Variants in ZNF786 observed in about 807,000 individuals in gnomAD.
The protein encoded by ZNF786 is zinc finger protein 786.
A neutral mutation model predicts 63.1 loss-of-function variants in ZNF786; 56 were observed. That is an observed-to-expected ratio of 0.89 (90% confidence interval 0.72 to 1.11). The LOEUF (loss-of-function observed/expected upper bound fraction) is 1.11, where lower values mean the gene tolerates loss of function less well. Among genes scored for constraint, ZNF786 ranks in the 50% least tolerant of loss-of-function variants. The pLI is 0.00. For missense variants in ZNF786, 1,213 were observed against 1,041.8 expected (o/e 1.16, Z -2.26); for synonymous variants, 485 against 406.9 (o/e 1.19, Z -2.31).
intron 1 of ZNF786, among the ~76,000 whole-genome samples, chr7:149,086,296 C>T (rs1585471217): frequency 6.6e-6 from 1 of 152,180 alleles, no homozygotes; most frequent in East Asian, 1.9e-4. Flanking sequence ...CCAGCATCTA[C>T]TTCTGGCGAG....
At chr7:149,088,524 C>T (rs113731474) in intron 1 of ZNF786, among the ~76,000 whole-genome samples, 6 of 152,252 alleles carry the variant, frequency 3.9e-5, no homozygotes, top group African/African-American at 1.4e-4. Flanking sequence ...CAGAACTGAA[C>T]GTATGTTTAT....
Position 149,070,204 on chromosome 7 carries a change from C to T in ZNF786, c.*219G>A. 1 of 525,866 alleles carries T rather than the reference C, an allele frequency of 1.9e-6. No homozygotes were observed. The highest frequency in any genetic ancestry group is 2.5e-5 in the South Asian group (1 of 39,834). 32.6% of individuals were successfully genotyped at this position (525,866 alleles called of 1,614,324 possible). On this transcript the variant is annotated 3_prime_UTR_variant, in exon 4 of 4. Transcript: ENST00000491431. ...CCAGCCTGGGTGACAGAGCAAAACT[C>T]CATCTTGGAAAAAAAAAAAAAAAAG...
In ZNF786 at chr7:149,072,344, C is replaced by G. The variant is rs1411495850; in HGVS notation, c.428G>C (p.Arg143Thr). 6 of 1,613,636 alleles carry G rather than the reference C, an allele frequency of 3.7e-6. No individual in the cohort carries two copies. Among genetic ancestry groups the G allele is most frequent in the South Asian group, 1.1e-5 (1 of 91,014 alleles). The change falls in exon 4 of 4, where the codon AGA becomes ACA. Residue 143 changes from arginine (R) to threonine (T), a missense_variant. Physicochemically the swap from Arg to Thr is moderately conservative, Grantham distance 71 (BLOSUM62 -1). Coordinates refer to ENST00000491431, the MANE Select transcript of ZNF786 (RefSeq NM_152411.4). ...TGGTGGAGGAGCCCTGGCGTCGTGT[C>G]TCTGTGGGCTCCCGAGGGTGATGCC... ...DQGITLGSPQ[R>T]HDARAPPPLA...
rs756755963 is a variant in ZNF786, at chr7:149,071,760, A to C, written c.1012T>G (p.Ser338Ala). 2 of 1,588,544 alleles carry C rather than the reference A, an allele frequency of 1.3e-6. No homozygotes were observed. Among genetic ancestry groups the C allele is most frequent in the East Asian group, 4.5e-5 (2 of 44,532 alleles). The change falls in exon 4 of 4, where the codon TCG (serine) becomes GCG (alanine). Residue 338 changes from serine to alanine, a missense_variant. Coordinates refer to ENST00000491431, the MANE Select transcript of ZNF786 (RefSeq NM_152411.4). ...EGRGASSSVH[S>A]GQKPGSRLPQ... Reference sequence around the variant, plus strand: ...AGGCGCGAGCCTGGTTTCTGTCCCGAGTGCACACTGCTGGAGGCCCCGCGG... The same window carrying C: ...AGGCGCGAGCCTGGTTTCTGTCCCGCGTGCACACTGCTGGAGGCCCCGCGG...
chr7:149,078,447 G>C (rs926370737), intron 2 of ZNF786, among the ~76,000 whole-genome samples: 5 of 152,110 alleles, frequency 3.3e-5, no homozygotes, highest in Admixed American at 1.3e-4. Context: ...CACTTTGGGA[G>C]ACCAAGGTGG....
chr7:149,084,763 C>T (rs926578717), intron 1 of ZNF786, among the ~76,000 whole-genome samples: 1 of 152,140 alleles, frequency 6.6e-6, no homozygotes, highest in African/African-American at 2.4e-5. Context: ...CTGCTGATAG[C>T]TTCTTTTGCT....
rs762850364 is a variant in ZNF786, at chr7:149,070,997, G to C, written c.1775C>G (p.Pro592Arg). ...EHLRVHSGERPFQCPECNRSF... is the reference protein window; with the variant it reads ...EHLRVHSGERRFQCPECNRSF... Reference sequence around the variant, plus strand: ...CCTGTTGCACTCTGGGCACTGGAAGGGTCTCTCCCCGCTGTGCACGCGCAA... The same window carrying C: ...CCTGTTGCACTCTGGGCACTGGAAGCGTCTCTCCCCGCTGTGCACGCGCAA... The change falls in exon 4 of 4, where the codon CCC (proline) becomes CGC (arginine). Residue 592 changes from proline (P) to arginine (R), a missense_variant. Coordinates refer to ENST00000491431, the MANE Select transcript of ZNF786 (RefSeq NM_152411.4). The C allele has an allele frequency of 6.8e-6, 11 of 1,613,068 alleles. No individual in the cohort carries two copies. Among genetic ancestry groups the C allele is most frequent in the Non-Finnish European group, 1.7e-6 (2 of 1,179,976 alleles).
chr7:149,077,369 T>C (rs1240686278), intron 2 of ZNF786, among the ~76,000 whole-genome samples: 5 of 152,250 alleles, frequency 3.3e-5, no homozygotes, highest in Non-Finnish European at 7.3e-5. Context: ...GACTCACGCC[T>C]GTAATCCCAG....
At chr7:149,073,419 C>T (rs1444599289) in intron 3 of ZNF786, among the ~76,000 whole-genome samples, 1 of 151,952 alleles carries the variant, frequency 6.6e-6, no homozygotes, top group African/African-American at 2.4e-5. Flanking sequence ...CATGGTGGCT[C>T]ACACCTATAA....
At chr7:149,089,060 G>A (rs1050230425) in intron 1 of ZNF786, among the ~76,000 whole-genome samples, 2 of 141,630 alleles carry the variant, frequency 1.4e-5, no homozygotes, top group African/African-American at 5.3e-5. Context: ...GGGTTCTCCC[G>A]CCTCAGCCTC....
intron 1 of ZNF786, among the ~76,000 whole-genome samples, chr7:149,090,166 C>A (rs1049892197): frequency 1.3e-5 from 2 of 152,216 alleles, no homozygotes; most frequent in Non-Finnish European, 2.9e-5. Flanking sequence ...ACCCAAATCA[C>A]GCTAGACAAT....
At chr7:149,090,566 AC>A in intron 1 of ZNF786, 56 bp downstream of exon 1, 1 of 1,495,712 alleles carries the variant, frequency 6.7e-7, no homozygotes, top group Non-Finnish European at 9.0e-7. Context: ...CGAGCCCGGA[AC>A]CCGAGGACCC....
intron 3 of ZNF786, among the ~76,000 whole-genome samples, chr7:149,073,203 CA>C (rs1825463044): frequency 6.6e-6 from 1 of 152,144 alleles, no homozygotes; most frequent in Non-Finnish European, 1.5e-5. Context: ...CACCTAAAAA[CA>C]AAAACTATTT....
rs1485517908 is a variant in ZNF786, at chr7:149,071,501, G to T, written c.1271C>A (p.Pro424Gln). 2.5e-6 allele frequency: 4 copies of T among 1,613,302 alleles called. No individual in the cohort carries two copies. In the East Asian group the frequency reaches 8.9e-5, roughly 36 times the overall value. The change falls in exon 4 of 4, where the codon CCG becomes CAG. Residue 424 changes from proline to glutamine, a missense_variant. Pro to Gln is a moderately conservative substitution (Grantham distance 76, BLOSUM62 -1). Coordinates refer to ENST00000491431, the MANE Select transcript of ZNF786 (RefSeq NM_152411.4). ...VHQHAHGGER[P>Q]FSCRKCGKGF... is the part of the protein sequence containing the mutation. ...CTTGCCACACTTCCTGCAGGAGAAC[G>T]GTCTCTCCCCACCGTGCGCGTGCTG... is the stretch of plus-strand genomic sequence containing the variant.
chr7:149,087,862 T>C (rs1371894945), intron 1 of ZNF786, among the ~76,000 whole-genome samples: 1 of 151,692 alleles, frequency 6.6e-6, no homozygotes, highest in East Asian at 1.9e-4. Flanking sequence ...CCAACACAGC[T>C]TACCATAGCT....
At chr7:149,088,055 T>C (rs1373619682) in intron 1 of ZNF786, among the ~76,000 whole-genome samples, 1 of 150,396 alleles carries the variant, frequency 6.6e-6, no homozygotes, top group Non-Finnish European at 1.5e-5. Flanking sequence ...CAGGCTGGAA[T>C]GCATTGACAC....
intron 1 of ZNF786, among the ~76,000 whole-genome samples, chr7:149,083,158 A>C (rs1015622575): frequency 1.3e-5 from 2 of 151,952 alleles, no homozygotes; most frequent in East Asian, 1.9e-4. Context: ...GGGCCTCCCA[A>C]AGTGCTGGGA....
In ZNF786 at chr7:149,070,083, T is replaced by A. The variant is rs578009448; in HGVS notation, c.*340A>T. The A allele has an allele frequency of 5.0e-6, 1 of 201,892 alleles. No homozygotes were observed. The highest frequency in any genetic ancestry group is 1.2e-4 in the East Asian group (1 of 8,344). 12.5% of individuals were successfully genotyped at this position (201,892 alleles called of 1,614,324 possible). ...ACAATCACATATAACCTCGTAGAAA[T>A]TGTTTTCGTTTGCAGATGCCTCCTT... On this transcript the variant is annotated 3_prime_UTR_variant, in exon 4 of 4. Transcript: ENST00000491431.
chr7:149,090,574 A>AC, intron 1 of ZNF786, 49 bp downstream of exon 1: 1 of 1,535,542 alleles, frequency 6.5e-7, no homozygotes, highest in Non-Finnish European at 8.8e-7. Flanking sequence ...GAACCCGAGG[A>AC]CCCACCACGA....
Sources: gnomAD v4.1 joint callset for allele counts (sites outside exome capture counted in the v4.1 genomes callset) on GRCh38, gnomAD v4.1.1 for gene constraint, MANE v1.5 for transcripts, NCBI Gene and HGNC (gene_info 2026-07-23, HGNC 2026-07-21) for gene names.